Variants in TAOK1 observed in about 807,000 individuals in gnomAD.
TAOK1 encodes the protein TAO kinase 1.
TAOK1 carries 21 observed loss-of-function variants against 138.3 expected under a neutral mutation model. That is an observed-to-expected ratio of 0.15 (90% CI 0.11 to 0.22). The LOEUF (loss-of-function observed/expected upper bound fraction) is 0.22, where lower values mean the gene tolerates loss of function less well. TAOK1 is among the 10% of genes least tolerant of loss of function. The pLI, the probability that TAOK1 is intolerant of heterozygous loss-of-function variation, is 1.00. For missense variants in TAOK1, 651 were observed against 1,227.7 expected (o/e 0.53, Z 7.02); for synonymous variants, 361 against 398.4 (o/e 0.91, Z 1.12).
chr17:29,477,240 C>T (rs1205831554), intron 4 of TAOK1, among the ~76,000 whole-genome samples: 1 of 152,074 alleles, frequency 6.6e-6, no homozygotes, highest in Non-Finnish European at 1.5e-5. Flanking sequence ...ACATATAATT[C>T]TAGAGAACAC....
intron 16 of TAOK1, among the ~76,000 whole-genome samples, chr17:29,518,745 T>TTTATTTA (rs1415510570): frequency 3.1e-5 from 3 of 95,566 alleles, no homozygotes; most frequent in Admixed American, 1.1e-4. Context: ...TATTTTTTAT[T>TTTATTTA]TTTACTTTAT....
At chr17:29,437,106 C>T (rs890448940) in intron 1 of TAOK1, among the ~76,000 whole-genome samples, 10 of 152,126 alleles carry the variant, frequency 6.6e-5, no homozygotes, top group South Asian at 6.2e-4. Flanking sequence ...CACTGTTGCC[C>T]GGGCTGGAGT....
At chr17:29,508,742 A>G (rs1015094266) in intron 14 of TAOK1, among the ~76,000 whole-genome samples, 6 of 152,210 alleles carry the variant, frequency 3.9e-5, no homozygotes, top group African/African-American at 1.4e-4. Flanking sequence ...GTTGAAGATT[A>G]TAAGTTATGA....
chr17:29,453,704 G>T (rs906098418), intron 2 of TAOK1, among the ~76,000 whole-genome samples: 1 of 151,812 alleles, frequency 6.6e-6, no homozygotes, highest in African/African-American at 2.4e-5. Flanking sequence ...AACCTCTCGA[G>T]TAGCTGGGAT....
chr17:29,457,033 A>G (rs530400101), intron 2 of TAOK1, among the ~76,000 whole-genome samples: 2 of 133,524 alleles, frequency 1.5e-5, no homozygotes, highest in African/African-American at 6.0e-5. Context: ...GCATCTGGCC[A>G]TATAGTTCTA....
chr17:29,423,357 A>G (rs1330006956), intron 1 of TAOK1, among the ~76,000 whole-genome samples: 1 of 151,198 alleles, frequency 6.6e-6, no homozygotes, highest in Non-Finnish European at 1.5e-5. Flanking sequence ...CTGGGACTAC[A>G]GGTGCCCGCC....
intron 3 of TAOK1, among the ~76,000 whole-genome samples, chr17:29,473,757 C>A (rs1432841128): frequency 6.6e-6 from 1 of 151,682 alleles, no homozygotes; most frequent in Non-Finnish European, 1.5e-5. Flanking sequence ...GACAGAGTCT[C>A]TCTCTGTTGC....
At chr17:29,443,171 A>T (rs552901200) in intron 1 of TAOK1, among the ~76,000 whole-genome samples, 1 of 152,212 alleles carries the variant, frequency 6.6e-6, no homozygotes, top group East Asian at 1.9e-4. Flanking sequence ...AAAGGGCTTT[A>T]TAATATTAAA....
At chr17:29,534,038 C>T (rs1048581001) in intron 18 of TAOK1, 80 bp from the exon 19 acceptor site, 3 of 1,401,712 alleles carry the variant, frequency 2.1e-6, no homozygotes, top group East Asian at 2.6e-5. Context: ...TCTAACACTC[C>T]TCCTCCTTTC....
chr17:29,457,685 CGT>C (rs1419994649), intron 2 of TAOK1, among the ~76,000 whole-genome samples: 1 of 151,904 alleles, frequency 6.6e-6, no homozygotes, highest in African/African-American at 2.4e-5. Flanking sequence ...GGATTACAGG[CGT>C]GAGCCACTGC....
chr17:29,450,233 C>A (rs2030198435), intron 1 of TAOK1, among the ~76,000 whole-genome samples: 1 of 152,028 alleles, frequency 6.6e-6, no homozygotes, highest in Non-Finnish European at 1.5e-5. Flanking sequence ...ACTATAGGAG[C>A]ACACCACACC....
At chr17:29,483,017 G>T (rs1167345884) in intron 8 of TAOK1, among the ~76,000 whole-genome samples, 1 of 152,152 alleles carries the variant, frequency 6.6e-6, no homozygotes, top group Non-Finnish European at 1.5e-5. Context: ...CCCAATGGAG[G>T]TCTACCAGCC....
rs1038600560 is a variant in TAOK1, at chr17:29,549,593, G to T, written c.*6571G>T. 1 of 152,092 alleles carries T rather than the reference G, an allele frequency of 6.6e-6. No homozygotes were observed. The highest frequency in any genetic ancestry group is 1.5e-5 in the Non-Finnish European group (1 of 68,014). The allele number at this position is 152,092 out of a possible 1,614,324, so 9.4% of individuals were successfully genotyped here. On this transcript the variant is annotated 3_prime_UTR_variant, in exon 20 of 20. Coordinates refer to ENST00000261716, the MANE Select transcript of TAOK1 (RefSeq NM_020791.4). ...GTTACCGTAAATTGCACATGGTCATGGACTGAATTATGTGACTTTAAAGGA... is the reference window on the plus strand; with the variant it reads ...GTTACCGTAAATTGCACATGGTCATTGACTGAATTATGTGACTTTAAAGGA...
At chr17:29,526,830 A>T (rs1053457316) in intron 17 of TAOK1, among the ~76,000 whole-genome samples, 16 of 148,458 alleles carry the variant, frequency 1.1e-4, no homozygotes, top group Admixed American at 6.7e-4. Context: ...AAAAAAAAAA[A>T]AAAAAAAAAA....
At chr17:29,409,331 A>ATTTTTTTT (rs1186189891) in intron 1 of TAOK1, among the ~76,000 whole-genome samples, 3 of 60,300 alleles carry the variant, frequency 5.0e-5, no homozygotes, top group African/African-American at 1.2e-4. Flanking sequence ...ATATATATAT[A>ATTTTTTTT]TATTTTTTTT....
In TAOK1 at chr17:29,532,971, G is replaced by T. The variant is rs1357361579; in HGVS notation, c.2362-1147G>T. On this transcript the variant is annotated intron_variant, in intron 18 of 19. Transcript: ENST00000261716. ...CCCACCTCCCTCCCGGACGGGGCGG[G>T]TGGCCGGGCAGGGGGCTGACCCCCC... Among the ~76,000 whole-genome samples the T allele has an allele frequency of 4.5e-3, 475 of 106,714 alleles. 4 individuals carry two copies. Among genetic ancestry groups the T allele is most frequent in the Middle Eastern group, 0.011 (2 of 180 alleles). 70.0% of individuals were successfully genotyped at this position (106,714 alleles called of 152,430 possible).
chr17:29,478,536 T>A (rs2030993128), intron 6 of TAOK1, among the ~76,000 whole-genome samples, 189 bp downstream of exon 6: 1 of 152,248 alleles, frequency 6.6e-6, no homozygotes. Context: ...ATAATTTTTA[T>A]CTTTGCCTAT....
intron 19 of TAOK1, among the ~76,000 whole-genome samples, chr17:29,540,886 G>C (rs145458306): frequency 6.6e-6 from 1 of 151,664 alleles, no homozygotes; most frequent in East Asian, 1.9e-4. Flanking sequence ...TGTATTTTTA[G>C]TAGAGACGAG....
At chr17:29,488,988 T>G (rs1405521020) in intron 8 of TAOK1, among the ~76,000 whole-genome samples, 6 of 152,224 alleles carry the variant, frequency 3.9e-5, no homozygotes, top group Admixed American at 3.3e-4. Flanking sequence ...TCAAAGCTCA[T>G]TATTGCTACA....
Sources: allele counts gnomAD v4.1 joint callset (sites outside exome capture counted in the v4.1 genomes callset), GRCh38; gene constraint gnomAD v4.1.1; transcripts MANE v1.5; gene names NCBI Gene and HGNC (gene_info 2026-07-23, HGNC 2026-07-21).